PCDH15: variants seen among roughly 807,000 people sequenced by gnomAD.
PCDH15 encodes the protein protocadherin-15.
In PCDH15, 129 loss-of-function variants were observed where a neutral mutation model predicts 178.5. The observed-to-expected ratio is 0.72, with a 90% confidence interval of 0.63 to 0.84. The LOEUF is 0.84. Ranked by LOEUF, PCDH15 falls within the 40% of genes least tolerant of loss-of-function variation. The pLI is 0.00. For synonymous variants in PCDH15, 800 were observed against 732.0 expected, an observed-to-expected ratio of 1.09 and a Z score of -1.50; for missense variants, 2,230 against 2,099.9, an observed-to-expected ratio of 1.06 and a Z score of -1.21.
intron 1 of PCDH15, among the ~76,000 whole-genome samples, chr10:54,674,604 C>A (rs563620572): frequency 6.6e-6 from 1 of 152,080 alleles, no homozygotes; most frequent in African/African-American, 2.4e-5. Context: ...ACCTTCTCAA[C>A]TGGCACAATG....
At chr10:55,239,442 G>T (rs1841484253) in intron 1 of PCDH15, among the ~76,000 whole-genome samples, 1 of 152,062 alleles carries the variant, frequency 6.6e-6, no homozygotes, top group South Asian at 2.1e-4. Flanking sequence ...AACTTACACT[G>T]AGCAAAGGAT....
At chr10:55,344,335 A>T (rs886664650) in intron 2 of PCDH15, among the ~76,000 whole-genome samples, 1 of 152,090 alleles carries the variant, frequency 6.6e-6, no homozygotes, top group Non-Finnish European at 1.5e-5. Context: ...TTTTGGTTTG[A>T]AGAGATTTCT....
chr10:54,816,031 G>A (rs537435140), intron 3 of PCDH15, among the ~76,000 whole-genome samples: 18 of 151,992 alleles, frequency 1.2e-4, no homozygotes, highest in Non-Finnish European at 2.6e-4. Context: ...AAAGTTTTAT[G>A]CAGATTTTTG....
chr10:54,077,943 A>G (rs900020253), intron 17 of PCDH15, among the ~76,000 whole-genome samples: 24 of 152,104 alleles, frequency 1.6e-4, no homozygotes, highest in African/African-American at 5.3e-4. Context: ...TATGCCTGTA[A>G]TTCCAGCTAC....
At position 55,525,474 on chromosome 10, in the gene PCDH15, C is replaced by T. The variant is rs1223498894; in HGVS notation, c.-156+102151G>A. Among the ~76,000 whole-genome samples, 4 of 151,892 alleles carry T rather than the reference C, an allele frequency of 2.6e-5. No individual in the cohort carries two copies. The South Asian group carries it at 8.3e-4, about 32-fold the overall frequency. Reference sequence around the variant, plus strand: ...AAGGTTGAGGCTTGTATATATTAAACACTTTAAATTGTTCACTTCTCATAT... The same window carrying T: ...AAGGTTGAGGCTTGTATATATTAAATACTTTAAATTGTTCACTTCTCATAT... On this transcript the variant is annotated intron_variant, in intron 2 of 5. Transcript: ENST00000613346.
chr10:54,106,457 A>G (rs1565277752), intron 15 of PCDH15, among the ~76,000 whole-genome samples: 1 of 152,174 alleles, frequency 6.6e-6, no homozygotes. Context: ...AGGTCATGGG[A>G]TGTCTTAACA....
At chr10:54,700,010 C>G (rs2095287275) in intron 1 of PCDH15, among the ~76,000 whole-genome samples, 1 of 151,962 alleles carries the variant, frequency 6.6e-6, no homozygotes, top group South Asian at 2.1e-4. Context: ...CTCTCCATTG[C>G]AGCAGGTTCC....
chr10:54,817,362 TAA>T (rs1952964911), intron 3 of PCDH15, among the ~76,000 whole-genome samples: 1 of 152,002 alleles, frequency 6.6e-6, no homozygotes, highest in African/African-American at 2.4e-5. Context: ...TGAATTATTC[TAA>T]GTTAATTTTC....
chr10:55,287,222 G>A (rs1411172744), intron 1 of PCDH15, among the ~76,000 whole-genome samples: 2 of 152,024 alleles, frequency 1.3e-5, no homozygotes, highest in Non-Finnish European at 2.9e-5. Flanking sequence ...GATGCAATGA[G>A]TCTGTAATCA....
At chr10:55,226,570 C>T (rs543174880) in intron 1 of PCDH15, among the ~76,000 whole-genome samples, 1 of 151,656 alleles carries the variant, frequency 6.6e-6, no homozygotes, top group Non-Finnish European at 1.5e-5. Flanking sequence ...TTAGTAGACA[C>T]GGGGTTTCAT....
At chr10:55,524,452 T>C (rs1350360116) in intron 2 of PCDH15, among the ~76,000 whole-genome samples, 1 of 151,666 alleles carries the variant, frequency 6.6e-6, no homozygotes, top group African/African-American at 2.4e-5. Context: ...GAATGTAAAA[T>C]ATCTCATTAA....
At chr10:55,336,654 T>C (rs529931454) in intron 2 of PCDH15, among the ~76,000 whole-genome samples, 16 of 152,280 alleles carry the variant, frequency 1.1e-4, no homozygotes, top group African/African-American at 3.8e-4. Context: ...AGAATCTGAA[T>C]AAACAGGGCT....
chr10:54,571,826 G>A (rs1336744255), intron 2 of PCDH15, among the ~76,000 whole-genome samples: 1 of 152,092 alleles, frequency 6.6e-6, no homozygotes, highest in African/African-American at 2.4e-5. Flanking sequence ...GAAACTCTTA[G>A]GCTTTGGACC....
intron 1 of PCDH15, among the ~76,000 whole-genome samples, chr10:55,210,606 CTTTTTTCTTTTCTTTTTTTTTTTTTT>C (rs1840536661): frequency 6.1e-5 from 2 of 32,676 alleles, no homozygotes; most frequent in South Asian, 1.9e-3. Context: ...ATTTTTTTTT[CTTTTTTCTTTTCTTTTTTTTTTTTTT>C]TTTTTTTTTT....
intron 2 of PCDH15, among the ~76,000 whole-genome samples, chr10:55,539,945 T>C (rs1564443595): frequency 6.6e-6 from 1 of 152,088 alleles, no homozygotes; most frequent in Admixed American, 6.6e-5. Flanking sequence ...GTCTCATTAC[T>C]TAAAACAGGA....
chr10:55,107,143 T>C (rs1837370367), intron 2 of PCDH15, among the ~76,000 whole-genome samples: 1 of 152,228 alleles, frequency 6.6e-6, no homozygotes, highest in African/African-American at 2.4e-5. Context: ...AGAAGAATTC[T>C]CTTTCAGAGG....
At chr10:55,313,154 C>T (rs1843632216) in intron 1 of PCDH15, among the ~76,000 whole-genome samples, 1 of 152,012 alleles carries the variant, frequency 6.6e-6, no homozygotes, top group Non-Finnish European at 1.5e-5. Context: ...CTCTCCTACA[C>T]ATAAGACACT....
intron 2 of PCDH15, among the ~76,000 whole-genome samples, chr10:54,562,373 A>G (rs1383236894): frequency 6.6e-6 from 1 of 152,150 alleles, no homozygotes; most frequent in Non-Finnish European, 1.5e-5. Flanking sequence ...AATCACTGAA[A>G]TGAGTAAGAA....
intron 1 of PCDH15, among the ~76,000 whole-genome samples, chr10:54,708,617 G>T (rs530398080): frequency 1.1e-3 from 174 of 152,182 alleles, no homozygotes; most frequent in South Asian, 2.5e-3. Flanking sequence ...TCTCTTTATA[G>T]TCAGGATTTT....
Sources: gnomAD v4.1 joint callset for allele counts (sites outside exome capture counted in the v4.1 genomes callset) on GRCh38, gnomAD v4.1.1 for gene constraint, MANE v1.5 for transcripts, NCBI Gene and HGNC (gene_info 2026-07-23, HGNC 2026-07-21) for gene names.